The following THOC2 variants were observed in gnomAD, a reference collection of about 807,000 sequenced individuals.
The protein encoded by THOC2 is THO complex subunit 2, also known as THO complex 2.
Under a neutral mutation model 128.4 loss-of-function variants are expected in THOC2, and 10 were observed. That is an observed-to-expected ratio of 0.08 (90% CI 0.05 to 0.13). The LOEUF (loss-of-function observed/expected upper bound fraction) is 0.13. Among genes scored for constraint, THOC2 ranks in the 10% least tolerant of loss-of-function variants. The probability of loss-of-function intolerance (pLI) is 1.00; values close to 1 mark genes in which losing one functional copy is unlikely to be tolerated. For missense variants in THOC2, 535 were observed against 1,155.7 expected (o/e 0.46, Z 7.79); for synonymous variants, 393 against 396.9 (o/e 0.99, Z 0.12).
At chrX:123,622,515 C>T (rs2047123240) in intron 30 of THOC2, among the ~76,000 whole-genome samples, 2 of 111,517 alleles carry the variant, frequency 1.8e-5, no homozygotes, top group Non-Finnish European at 3.8e-5. Flanking sequence ...TCACATTACT[C>T]AACAACCACT....
Position 123,732,936 on chromosome X carries a change from C to T in THOC2, c.71+16G>A. Reference sequence around the variant, plus strand: ...CCCGGCCCGGCAGTGCGCCTGCCTCCGGCCCGAACACTCACAATTCGCCTC... The same window carrying T: ...CCCGGCCCGGCAGTGCGCCTGCCTCTGGCCCGAACACTCACAATTCGCCTC... On this transcript the variant is annotated intron_variant, in intron 1 of 38. Coordinates refer to ENST00000245838, the MANE Select transcript of THOC2 (RefSeq NM_001081550.2). 1.7e-6 allele frequency: 2 copies of T among 1,208,895 alleles called. No homozygotes were observed. The highest frequency in any genetic ancestry group is 1.1e-6 in the Non-Finnish European group (1 of 892,774).
chrX:123,722,076 A>G (rs750333865), intron 1 of THOC2, among the ~76,000 whole-genome samples: 1 of 112,329 alleles, frequency 8.9e-6, no homozygotes, highest in East Asian at 2.8e-4. Flanking sequence ...AAGGAAAACA[A>G]CAGAGTATTT....
intron 24 of THOC2, among the ~76,000 whole-genome samples, chrX:123,626,315 T>C (rs1254020360): frequency 8.9e-6 from 1 of 112,175 alleles, no homozygotes; most frequent in African/African-American, 3.2e-5. Flanking sequence ...CAATATGTAG[T>C]TAAAAGTTAA....
At chrX:123,609,476 C>A (rs1240062341) in intron 38 of THOC2, among the ~76,000 whole-genome samples, 1 of 111,521 alleles carries the variant, frequency 9.0e-6, no homozygotes, top group Admixed American at 9.5e-5. Flanking sequence ...ATAAAGATGA[C>A]AAAATCCATA....
chrX:123,713,741 G>A, intron 1 of THOC2, among the ~76,000 whole-genome samples: 1 of 109,068 alleles, frequency 9.2e-6, no homozygotes. Flanking sequence ...CCAGCTACTC[G>A]GGAGGCTGGG....
chrX:123,724,995 C>G (rs777528923), intron 1 of THOC2, among the ~76,000 whole-genome samples: 5 of 110,869 alleles, frequency 4.5e-5, no homozygotes, highest in African/African-American at 1.6e-4. Flanking sequence ...GGAGGATCGC[C>G]AGAGCCCAGG....
intron 1 of THOC2, among the ~76,000 whole-genome samples, chrX:123,718,469 T>C (rs1178209569): frequency 1.8e-5 from 2 of 111,988 alleles, no homozygotes; most frequent in African/African-American, 3.2e-5. Flanking sequence ...AAAAAGTTTC[T>C]ACACAGGAGG....
chrX:123,657,960 C>CGTGTGTGTGT (rs60969537), intron 12 of THOC2, among the ~76,000 whole-genome samples: 3 of 94,801 alleles, frequency 3.2e-5, no homozygotes, highest in Admixed American at 2.4e-4. Flanking sequence ...TACGCATATG[C>CGTGTGTGTGT]GTGTGTGTGT....
At chrX:123,728,258 A>G (rs1239747845) in intron 1 of THOC2, among the ~76,000 whole-genome samples, 1 of 111,310 alleles carries the variant, frequency 9.0e-6, no homozygotes, top group African/African-American at 3.3e-5. Flanking sequence ...AAAAAAAGAC[A>G]ACAGGAGTTG....
intron 16 of THOC2, among the ~76,000 whole-genome samples, chrX:123,639,552 T>C (rs1236757736): frequency 8.9e-6 from 1 of 111,834 alleles, no homozygotes; most frequent in Non-Finnish European, 1.9e-5. Flanking sequence ...TTGAACATTA[T>C]TGGTACATAG....
chrX:123,625,378 A>G (rs1020266796), intron 25 of THOC2, among the ~76,000 whole-genome samples: 1 of 112,216 alleles, frequency 8.9e-6, no homozygotes, highest in Non-Finnish European at 1.9e-5. Context: ...GATTACAGGC[A>G]TGAGCCACCG....
chrX:123,660,163 G>A (rs776332982), intron 12 of THOC2, among the ~76,000 whole-genome samples: 3 of 111,533 alleles, frequency 2.7e-5, no homozygotes, highest in African/African-American at 9.8e-5. Context: ...TGGAGTTAAC[G>A]CAGGAACCTG....
chrX:123,603,383 C>A, intron 38 of THOC2: 1 of 320,608 alleles, frequency 3.1e-6, no homozygotes, highest in Non-Finnish European at 5.4e-6. Flanking sequence ...CTATCTACGT[C>A]ATTAAGGAAC....
chrX:123,606,495 G>A (rs890359818), intron 38 of THOC2, among the ~76,000 whole-genome samples: 4 of 111,114 alleles, frequency 3.6e-5, no homozygotes, highest in Non-Finnish European at 7.5e-5. Context: ...TCGGGAGACT[G>A]AGGCATGAGA....
chrX:123,727,650 C>T (rs28422046), intron 1 of THOC2, among the ~76,000 whole-genome samples: 130 of 112,211 alleles, frequency 1.2e-3, no homozygotes, highest in African/African-American at 4.0e-3. Context: ...CTCGCTATGT[C>T]GCCCAGAGCT....
At position 123,632,758 on chromosome X, in the gene THOC2, T is replaced by C. The variant is rs753302423; in HGVS notation, c.2316+103A>G. 2.1e-5 allele frequency: 14 copies of C among 662,327 alleles called. No homozygotes were observed. The East Asian group carries it at 4.6e-4, about 22-fold the overall frequency. 54.6% of individuals were successfully genotyped at this position (662,327 alleles called of 1,213,427 possible). ...GTCTTTCACATTAGGATGTCTCATA[T>C]TCAAATGATGTGCAAAAATGACATT... On this transcript the variant is annotated intron_variant, in intron 21 of 38. Coordinates refer to ENST00000245838, the MANE Select transcript of THOC2 (RefSeq NM_001081550.2).
intron 32 of THOC2, 141 bp from the exon 33 acceptor site, chrX:123,619,577 A>T: frequency 1.8e-6 from 1 of 544,826 alleles, no homozygotes; most frequent in Non-Finnish European, 2.9e-6. Flanking sequence ...TATCAATATG[A>T]ATATCAACAA....
Position 123,640,713 on chromosome X carries a change from C to G in THOC2, c.1662-91G>C, listed in dbSNP as rs2047879923. The stretch of plus-strand genomic sequence containing the variant: ...TGTTACATCATCGTGGGGGAAAAAG[C>G]AATTATTCCCCAAATATCCAAAATG... On this transcript the variant is annotated intron_variant, in intron 15 of 38. Coordinates refer to ENST00000245838, the MANE Select transcript of THOC2 (RefSeq NM_001081550.2). 2.2e-5 allele frequency: 10 copies of G among 461,622 alleles called. No homozygotes were observed. In the South Asian group the frequency reaches 4.3e-4, roughly 20 times the overall value. The allele number at this position is 461,622 out of a possible 1,213,427, so 38.0% of individuals were successfully genotyped here.
intron 1 of THOC2, among the ~76,000 whole-genome samples, chrX:123,725,579 G>A (rs2051925498): frequency 1.1e-5 from 1 of 92,574 alleles, no homozygotes; most frequent in African/African-American, 4.3e-5. Flanking sequence ...CTGCACTCCA[G>A]CCTGGGCAGC....
Sources: gnomAD v4.1 joint callset for allele counts (sites outside exome capture counted in the v4.1 genomes callset) on GRCh38, gnomAD v4.1.1 for gene constraint, MANE v1.5 for transcripts, NCBI Gene and HGNC (gene_info 2026-07-23, HGNC 2026-07-21) for gene names.